Variants in SLC26A5 observed in about 807,000 individuals in gnomAD.
SLC26A5 encodes the protein prestin.
Under a neutral mutation model 81.0 loss-of-function variants are expected in SLC26A5, and 51 were observed. The observed-to-expected ratio is 0.63, with a 90% CI of 0.50 to 0.80. The LOEUF is 0.80. Ranked by LOEUF, SLC26A5 falls within the 30% of genes least tolerant of loss-of-function variation. SLC26A5 has a pLI of 0.00. For missense variants in SLC26A5, 771 were observed against 905.8 expected (o/e 0.85, Z 1.91); for synonymous variants, 325 against 332.8 (o/e 0.98, Z 0.25).
intron 2 of SLC26A5, among the ~76,000 whole-genome samples, chr7:103,441,143 G>C (rs1290539205): frequency 6.6e-6 from 1 of 152,170 alleles, no homozygotes; most frequent in Non-Finnish European, 1.5e-5. Flanking sequence ...ATTAAGTGCA[G>C]CTCCTGGTAA....
intron 8 of SLC26A5, among the ~76,000 whole-genome samples, chr7:103,403,008 T>A (rs1823733160): frequency 6.6e-6 from 1 of 152,226 alleles, no homozygotes; most frequent in Non-Finnish European, 1.5e-5. Flanking sequence ...CCTGTGGGCA[T>A]TTAGTGCTAT....
intron 19 of SLC26A5, among the ~76,000 whole-genome samples, chr7:103,357,948 A>T (rs1008795792): frequency 6.6e-5 from 10 of 151,926 alleles, no homozygotes; most frequent in Non-Finnish European, 1.5e-5. Flanking sequence ...GCACCTTCTG[A>T]CCTGCTTTGG....
intron 19 of SLC26A5, chr7:103,364,267 G>T: frequency 6.2e-7 from 1 of 1,614,176 alleles, no homozygotes; most frequent in South Asian, 1.1e-5. Context: ...TGCTTCATTC[G>T]AGTTATTGGA....
rs367787509 is a variant in SLC26A5 at position 103,381,688 on chromosome 7, C to T, written c.1515-1139G>A. ...CACACATAATACACATACGTGCAGA[C>T]ACATGCATACATACCCCCACTACAT... On this transcript the variant is annotated intron_variant, in intron 14 of 19. Transcript: ENST00000306312. 2.7e-4 allele frequency among the ~76,000 whole-genome samples: 41 copies of T among 150,922 alleles called. 1 individual carries two copies. The highest frequency in any genetic ancestry group is 1.0e-3 in the African/African-American group (41 of 41,066).
intron 6 of SLC26A5, among the ~76,000 whole-genome samples, chr7:103,411,117 G>A (rs1377590685): frequency 1.3e-5 from 2 of 152,120 alleles, no homozygotes; most frequent in Non-Finnish European, 2.9e-5. Context: ...AGACTAAAGT[G>A]CATGATCATG....
At chr7:103,402,715 G>C (rs1024820660) in intron 8 of SLC26A5, among the ~76,000 whole-genome samples, 1 of 152,000 alleles carries the variant, frequency 6.6e-6, no homozygotes, top group Non-Finnish European at 1.5e-5. Context: ...TTGTATTTCT[G>C]TGGGAGCAGT....
Position 103,410,524 on chromosome 7 carries a change from C to T in SLC26A5, c.596G>A (p.Gly199Glu). ...IQFCLGVCRF[G>E]FVAIYLTEPL... ...CTCTGTGAGATATATGGCCACAAATCCAAACCTACAGACACCTAGGCAAAA... is the reference window on the plus strand; with the variant it reads ...CTCTGTGAGATATATGGCCACAAATTCAAACCTACAGACACCTAGGCAAAA... The change falls in exon 7 of 20, where the codon GGA becomes GAA. Residue 199 changes from glycine (G) to glutamate (E), a missense_variant. By Grantham distance (98) the Gly-to-Glu change is moderately conservative. Transcript: ENST00000306312. 1 of 1,613,876 alleles carries T rather than the reference C, an allele frequency of 6.2e-7. No individual in the cohort carries two copies. The highest frequency in any genetic ancestry group is 8.5e-7 in the Non-Finnish European group (1 of 1,179,944).
At chr7:103,381,180 A>C (rs551224412) in intron 14 of SLC26A5, among the ~76,000 whole-genome samples, 1 of 151,634 alleles carries the variant, frequency 6.6e-6, no homozygotes, top group South Asian at 2.1e-4. Context: ...ACACATATGC[A>C]ATACACACAT....
intron 8 of SLC26A5, among the ~76,000 whole-genome samples, chr7:103,400,465 T>C (rs960010735): frequency 2.6e-4 from 40 of 152,240 alleles, no homozygotes; most frequent in African/African-American, 9.4e-4. Context: ...TTCTGGATAT[T>C]AGCCCTTTGT....
At chr7:103,366,909 A>G (rs1271361051) in intron 19 of SLC26A5, among the ~76,000 whole-genome samples, 1 of 152,128 alleles carries the variant, frequency 6.6e-6, no homozygotes, top group African/African-American at 2.4e-5. Flanking sequence ...GGTTCAAGCA[A>G]TTCTCATGTC....
At chr7:103,439,669 G>A (rs945571347) in intron 2 of SLC26A5, among the ~76,000 whole-genome samples, 9 of 152,186 alleles carry the variant, frequency 5.9e-5, no homozygotes, top group African/African-American at 2.2e-4. Flanking sequence ...GAGCAGCTGG[G>A]ATTACAGGCA....
intron 8 of SLC26A5, among the ~76,000 whole-genome samples, chr7:103,402,438 TG>T (rs1447815828): frequency 6.6e-6 from 1 of 151,028 alleles, no homozygotes; most frequent in Non-Finnish European, 1.5e-5. Context: ...CTCGCTCTGT[TG>T]CCCAGGCTGG....
intron 8 of SLC26A5, among the ~76,000 whole-genome samples, chr7:103,399,210 T>C (rs1215995270): frequency 6.6e-6 from 1 of 152,136 alleles, no homozygotes; most frequent in Non-Finnish European, 1.5e-5. Flanking sequence ...GAAGAGTCTT[T>C]AAAGGGAATC....
intron 8 of SLC26A5, among the ~76,000 whole-genome samples, chr7:103,407,210 T>C (rs1027831184): frequency 3.9e-5 from 6 of 152,224 alleles, no homozygotes; most frequent in African/African-American, 9.6e-5. Context: ...TACATATTCA[T>C]GTGAACAGGA....
chr7:103,395,661 C>T (rs1404185500), intron 9 of SLC26A5, among the ~76,000 whole-genome samples: 1 of 150,904 alleles, frequency 6.6e-6, no homozygotes, highest in Admixed American at 6.6e-5. Context: ...AGTGGGATTA[C>T]AGGCACCCGC....
intron 8 of SLC26A5, among the ~76,000 whole-genome samples, chr7:103,405,151 T>G (rs547941152): frequency 6.6e-6 from 1 of 152,276 alleles, no homozygotes; most frequent in Admixed American, 6.5e-5. Flanking sequence ...TCGGAGGAGT[T>G]TGTTATTACC....
rs1826810357 is a variant in SLC26A5 at position 103,440,687 on chromosome 7, T to C, written c.-54+2396A>G. Among the ~76,000 whole-genome samples the C allele has an allele frequency of 2.0e-5, 3 of 152,184 alleles. No homozygotes were observed. The South Asian group carries it at 6.2e-4, about 32-fold the overall frequency. On this transcript the variant is annotated intron_variant, in intron 2 of 19. Transcript: ENST00000306312. ...ATGACTCCAATCCTAGAATTTTGTT[T>C]TGTTTGTTTACTGGCAATGAGTACA... is the stretch of plus-strand genomic sequence containing the variant.
intron 2 of SLC26A5, among the ~76,000 whole-genome samples, chr7:103,434,809 G>A (rs747163750): frequency 6.6e-6 from 1 of 151,920 alleles, no homozygotes; most frequent in Admixed American, 6.6e-5. Flanking sequence ...GCGCCACCAC[G>A]CCCAGCCAAT....
At chr7:103,366,921 C>T (rs959057974) in intron 19 of SLC26A5, among the ~76,000 whole-genome samples, 2 of 152,298 alleles carry the variant, frequency 1.3e-5, no homozygotes, top group African/African-American at 2.4e-5. Flanking sequence ...TCTCATGTCT[C>T]AGCCTCCTGA....
Sources: allele counts gnomAD v4.1 joint callset (sites outside exome capture counted in the v4.1 genomes callset), GRCh38; gene constraint gnomAD v4.1.1; transcripts MANE v1.5; gene names NCBI Gene and HGNC (gene_info 2026-07-23, HGNC 2026-07-21).